The following ZSWIM7 variants were observed in gnomAD, a reference collection of about 807,000 sequenced individuals.
ZSWIM7 encodes zinc finger SWIM-type containing 7, also known as zinc finger SWIM domain-containing protein 7.
A neutral mutation model predicts 21.1 loss-of-function variants in ZSWIM7; 22 were observed. The observed-to-expected ratio is 1.04, with a 90% CI of 0.74 to 1.49. ZSWIM7 has a LOEUF of 1.49. ZSWIM7 is among the 40% of genes most tolerant of loss of function. The pLI is 0.00. For synonymous variants in ZSWIM7, 67 were observed against 66.5 expected (o/e 1.01, Z -0.04); for missense variants, 193 against 168.0 (o/e 1.15, Z -0.82).
In ZSWIM7 at chr17:15,999,619, GACCGGCGGACCGCCGCGAC is replaced by G; in HGVS notation, c.-44_-26del. On this transcript the variant is annotated 5_prime_UTR_variant, in exon 1 of 5. Transcript: ENST00000399277. ...TCGCGCCGCAGGACACGCCCTCCACGACCGGCGGACCGCCGCGACGCTCCAGCTGACTGCGCCTACCTGT... is the reference window on the plus strand; with the variant it reads ...TCGCGCCGCAGGACACGCCCTCCACGGCTCCAGCTGACTGCGCCTACCTGT... 6.4e-7 allele frequency: 1 copy of G among 1,565,668 alleles called. No homozygotes were observed. Among genetic ancestry groups the G allele is most frequent in the Non-Finnish European group, 8.6e-7 (1 of 1,156,758 alleles).
rs530845415 is a variant in ZSWIM7 at position 15,987,701 on chromosome 17, C to A, written c.99-333G>T. ...TCTTGGCTCACCGTAACCTCTGCCT[C>A]CCGAGTTCAAGCGATTCTCCTGCCT... is the stretch of plus-strand genomic sequence containing the variant. On this transcript the variant is annotated intron_variant, in intron 2 of 4. Transcript: ENST00000399277. 6.2e-4 allele frequency among the ~76,000 whole-genome samples: 94 copies of A among 152,148 alleles called. 2 individuals carry two copies. The highest frequency in any genetic ancestry group is 2.2e-3 in the African/African-American group (90 of 41,504).
chr17:15,985,660 A>C (rs1331907759), intron 3 of ZSWIM7, among the ~76,000 whole-genome samples: 1 of 152,248 alleles, frequency 6.6e-6, no homozygotes, highest in African/African-American at 2.4e-5. Context: ...AATGTAATAT[A>C]TACCAGATGT....
chr17:15,987,245 C>A, intron 3 of ZSWIM7, 21 bp downstream of exon 3: 1 of 1,592,014 alleles, frequency 6.3e-7, no homozygotes, highest in Non-Finnish European at 8.6e-7. Context: ...GTAGGGATCA[C>A]CCCCATCTCT....
chr17:15,986,338 C>T (rs1970410255), intron 3 of ZSWIM7, among the ~76,000 whole-genome samples: 1 of 152,198 alleles, frequency 6.6e-6, no homozygotes, highest in African/African-American at 2.4e-5. Context: ...GCCACCACGC[C>T]TGGCCATCTT....
chr17:15,979,802 C>A (rs1295616579), intron 4 of ZSWIM7, among the ~76,000 whole-genome samples: 1 of 127,784 alleles, frequency 7.8e-6, no homozygotes. Flanking sequence ...GGGCTGACCC[C>A]CCCACCTCCC....
chr17:15,977,855 CTCA>C lies in ZSWIM7; in HGVS notation c.*189_*191del. 1.8e-6 allele frequency: 1 copy of C among 549,638 alleles called. No homozygotes were observed. The highest frequency in any genetic ancestry group is 3.3e-6 in the Non-Finnish European group (1 of 303,410). 34.0% of individuals were successfully genotyped at this position (549,638 alleles called of 1,614,324 possible). The stretch of plus-strand genomic sequence containing the variant: ...TTCTTGACAAGACTGTACAGGGCTT[CTCA>C]TCATACACAAACCCTCCACAGCCCA... On this transcript the variant is annotated 3_prime_UTR_variant, in exon 5 of 5. Transcript: ENST00000399277.
At chr17:15,995,006 G>A (rs1468168628) in intron 1 of ZSWIM7, among the ~76,000 whole-genome samples, 1 of 151,992 alleles carries the variant, frequency 6.6e-6, no homozygotes, top group African/African-American at 2.4e-5. Flanking sequence ...AAAGTTAGAG[G>A]AAAAACTGCA....
intron 2 of ZSWIM7, among the ~76,000 whole-genome samples, chr17:15,988,893 G>A (rs554661859): frequency 5.3e-5 from 8 of 152,034 alleles, no homozygotes; most frequent in Non-Finnish European, 7.4e-5. Flanking sequence ...GGTGGCACAC[G>A]CCTGTAGTCC....
chr17:15,992,173 C>G (rs970255887), intron 2 of ZSWIM7, among the ~76,000 whole-genome samples: 1 of 152,040 alleles, frequency 6.6e-6, no homozygotes, highest in Admixed American at 6.6e-5. Context: ...GTGATCCACC[C>G]GCCTCAGCCT....
At chr17:15,979,879 A>C (rs1443701398) in intron 4 of ZSWIM7, among the ~76,000 whole-genome samples, 4 of 29,192 alleles carry the variant, frequency 1.4e-4, no homozygotes, top group African/African-American at 2.9e-4. Context: ...CGGGGGGCTG[A>C]CCCCCCCACC....
rs775678689 is a variant in ZSWIM7, at chr17:15,987,383, C to T, written c.99-15G>A. On this transcript the variant is annotated splice_polypyrimidine_tract_variant and intron_variant, in intron 2 of 4. Coordinates refer to ENST00000399277, the MANE Select transcript of ZSWIM7 (RefSeq NM_001042697.2). ...GAAACTTCAGCCTGTGAAATAAAAACACTTCAGATTAGAAGGCCTGATTCT... is the reference window on the plus strand; with the variant it reads ...GAAACTTCAGCCTGTGAAATAAAAATACTTCAGATTAGAAGGCCTGATTCT... The T allele has an allele frequency of 2.5e-6, 4 of 1,608,374 alleles. No homozygotes were observed. In the South Asian group the frequency reaches 3.3e-5, roughly 13 times the overall value.
intron 4 of ZSWIM7, among the ~76,000 whole-genome samples, chr17:15,979,230 C>T (rs1411265870): frequency 1.3e-5 from 2 of 151,850 alleles, no homozygotes; most frequent in Non-Finnish European, 2.9e-5. Context: ...TTTATCAAAG[C>T]ACATCTTGCA....
At chr17:15,994,299 G>A (rs1447343223) in intron 1 of ZSWIM7, among the ~76,000 whole-genome samples, 1 of 152,184 alleles carries the variant, frequency 6.6e-6, no homozygotes, top group Non-Finnish European at 1.5e-5. Flanking sequence ...GAAAGACAGG[G>A]AGAAACAACA....
At chr17:15,985,043 G>A (rs1336246084) in intron 3 of ZSWIM7, among the ~76,000 whole-genome samples, 1 of 152,194 alleles carries the variant, frequency 6.6e-6, no homozygotes, top group Admixed American at 6.5e-5. Flanking sequence ...GCAGGCTCAC[G>A]CCTGTAATCC....
intron 1 of ZSWIM7, among the ~76,000 whole-genome samples, chr17:15,994,830 T>A (rs1261311495): frequency 6.6e-6 from 1 of 152,094 alleles, no homozygotes; most frequent in Non-Finnish European, 1.5e-5. Flanking sequence ...TTTCCCCAAC[T>A]AAATAGCCTA....
At chr17:15,989,358 T>G (rs1970453822) in intron 2 of ZSWIM7, among the ~76,000 whole-genome samples, 1 of 151,726 alleles carries the variant, frequency 6.6e-6, no homozygotes. Flanking sequence ...CACTCTGGTG[T>G]CCAGGCTGGA....
intron 2 of ZSWIM7, among the ~76,000 whole-genome samples, chr17:15,991,723 A>G (rs566140520): frequency 6.6e-6 from 1 of 152,178 alleles, no homozygotes; most frequent in African/African-American, 2.4e-5. Context: ...CGTTCCCTCA[A>G]TTCTACCTCC....
intron 1 of ZSWIM7, among the ~76,000 whole-genome samples, chr17:15,998,098 TA>T (rs374672139): frequency 0.012 from 1,714 of 140,512 alleles, 31 homozygotes; most frequent in African/African-American, 0.04. Flanking sequence ...AGACTCTGTC[TA>T]AAAAAAAAAA....
rs4792710 is a variant in ZSWIM7, at chr17:15,996,448, G to A, written c.77-2670C>T. ...ATCGCCTGAGCCCAGGAGTTCCAGAGTAGCCTGGGCAACAAAGGAAGACCC... is the reference window on the plus strand; with the variant it reads ...ATCGCCTGAGCCCAGGAGTTCCAGAATAGCCTGGGCAACAAAGGAAGACCC... On this transcript the variant is annotated intron_variant, in intron 1 of 4. Transcript: ENST00000399277. 3.8e-3 allele frequency among the ~76,000 whole-genome samples: 578 copies of A among 152,194 alleles called. 7 individuals carry two copies. The highest frequency in any genetic ancestry group is 0.013 in the African/African-American group (559 of 41,544).
Sources: gnomAD v4.1 joint callset for allele counts (sites outside exome capture counted in the v4.1 genomes callset) on GRCh38, gnomAD v4.1.1 for gene constraint, MANE v1.5 for transcripts, NCBI Gene and HGNC (gene_info 2026-07-23, HGNC 2026-07-21) for gene names.